Variants in SNX29 observed in about 807,000 individuals in gnomAD.
SNX29 encodes sorting nexin-29.
SNX29 carries 78 observed loss-of-function variants against 102.1 expected under a neutral mutation model. That is an observed-to-expected ratio of 0.76 (90% CI 0.64 to 0.92). The LOEUF is 0.92. Ranked by LOEUF, SNX29 falls within the 40% of genes least tolerant of loss-of-function variation. The pLI, the probability that SNX29 is intolerant of heterozygous loss-of-function variation, is 0.00. For missense variants in SNX29, 1,280 were observed against 1,061.7 expected (o/e 1.21, Z -2.86); for synonymous variants, 580 against 414.5 (o/e 1.40, Z -4.85).
At chr16:12,437,769 A>G (rs1449137509) in intron 18 of SNX29, among the ~76,000 whole-genome samples, 1 of 152,138 alleles carries the variant, frequency 6.6e-6, no homozygotes, top group Non-Finnish European at 1.5e-5. Context: ...TCAAAAATGC[A>G]CGCTGGCTGC....
chr16:12,057,005 G>A (rs2050548827), intron 8 of SNX29, among the ~76,000 whole-genome samples: 1 of 151,962 alleles, frequency 6.6e-6, no homozygotes, highest in African/African-American at 2.4e-5. Context: ...ATAGAAATGG[G>A]GTCTCAAGGC....
chr16:12,193,963 G>C (rs2076707861), intron 13 of SNX29, among the ~76,000 whole-genome samples: 1 of 152,122 alleles, frequency 6.6e-6, no homozygotes, highest in Non-Finnish European at 1.5e-5. Flanking sequence ...AATGATTTTG[G>C]CTATTTTAGT....
chr16:12,323,974 A>G (rs997774720), intron 15 of SNX29, among the ~76,000 whole-genome samples: 2 of 152,138 alleles, frequency 1.3e-5, no homozygotes, highest in Admixed American at 6.5e-5. Flanking sequence ...ATTGATTGTA[A>G]GTGTTCTGTG....
chr16:12,287,691 G>A (rs12103117), intron 15 of SNX29, among the ~76,000 whole-genome samples: 1 of 152,218 alleles, frequency 6.6e-6, no homozygotes, highest in African/African-American at 2.4e-5. Context: ...AATATCTGGT[G>A]AGTGTTCAAA....
chr16:12,065,162 T>G (rs1255041486), intron 9 of SNX29, among the ~76,000 whole-genome samples: 1 of 152,166 alleles, frequency 6.6e-6, no homozygotes, highest in African/African-American at 2.4e-5. Context: ...GTTGCTTTTC[T>G]TGGGTGACAG....
chr16:12,101,294 C>G (rs542022753), intron 11 of SNX29, among the ~76,000 whole-genome samples: 3 of 129,070 alleles, frequency 2.3e-5, no homozygotes, highest in South Asian at 4.8e-4. Context: ...TTTGTGGCCC[C>G]CCCCAACTTT....
chr16:12,194,730 A>AAG (rs2076728357), intron 13 of SNX29, among the ~76,000 whole-genome samples: 2 of 151,326 alleles, frequency 1.3e-5, no homozygotes, highest in African/African-American at 4.9e-5. Context: ...AGGTTCAAGC[A>AAG]ATTCTTGTGT....
chr16:12,175,563 A>G (rs1276853540), intron 13 of SNX29, among the ~76,000 whole-genome samples: 1 of 151,978 alleles, frequency 6.6e-6, no homozygotes, highest in Non-Finnish European at 1.5e-5. Flanking sequence ...AGGCACAAGA[A>G]TCTCTTGAAC....
intron 13 of SNX29, among the ~76,000 whole-genome samples, chr16:12,172,454 T>G (rs559279912): frequency 5.3e-5 from 8 of 152,206 alleles, no homozygotes; most frequent in Admixed American, 3.3e-4. Context: ...AAAGCTTGGG[T>G]GGGATCCCAC....
At chr16:12,492,602 G>T (rs1425744934) in intron 19 of SNX29, among the ~76,000 whole-genome samples, 5 of 152,174 alleles carry the variant, frequency 3.3e-5, no homozygotes, top group Admixed American at 2.6e-4. Context: ...TGAAGTCCTT[G>T]CCCATGCCTA....
intron 15 of SNX29, among the ~76,000 whole-genome samples, chr16:12,307,097 C>G (rs2080361822): frequency 6.6e-6 from 1 of 151,792 alleles, no homozygotes; most frequent in Admixed American, 6.5e-5. Context: ...TCTTCTTAAA[C>G]AGTTTGTGAA....
At chr16:12,131,991 C>A (rs779627880) in intron 13 of SNX29, among the ~76,000 whole-genome samples, 1 of 152,186 alleles carries the variant, frequency 6.6e-6, no homozygotes, top group African/African-American at 2.4e-5. Flanking sequence ...TTTTGCCTGG[C>A]CATGCTAGAG....
At chr16:12,403,551 G>A (rs1166613356) in intron 18 of SNX29, 22 bp downstream of exon 18, 1 of 1,588,406 alleles carries the variant, frequency 6.3e-7, no homozygotes, top group Admixed American at 1.8e-5. Flanking sequence ...GTTTTCAGGT[G>A]GACATCACAG....
chr16:12,476,519 C>T (rs773962083), intron 18 of SNX29, among the ~76,000 whole-genome samples: 2 of 143,492 alleles, frequency 1.4e-5, no homozygotes, highest in Admixed American at 7.2e-5. Context: ...GGGTATTTCT[C>T]GTTTGTTGAA....
At chr16:12,369,382 C>G (rs2082601009) in intron 16 of SNX29, among the ~76,000 whole-genome samples, 1 of 151,926 alleles carries the variant, frequency 6.6e-6, no homozygotes. Context: ...GTGATCGACC[C>G]ACCTTGGCCT....
At position 12,086,462 on chromosome 16, in the gene SNX29, G is replaced by A. The variant is rs1193271996; in HGVS notation, c.1402+7547G>A. ...CAGGGTCTCTGTTGCCCAGGCTGGA[G>A]TGCAGTGGTGCATTCCTGGCTTACT... On this transcript the variant is annotated intron_variant, in intron 11 of 20. Coordinates refer to ENST00000566228, the MANE Select transcript of SNX29 (RefSeq NM_032167.5). Among the ~76,000 whole-genome samples the A allele has an allele frequency of 1.3e-5, 2 of 152,126 alleles. 1 individual carries two copies. The highest frequency in any genetic ancestry group is 6.3e-3 in the Middle Eastern group (2 of 316).
intron 15 of SNX29, among the ~76,000 whole-genome samples, chr16:12,295,141 G>T (rs2079936442): frequency 6.6e-6 from 1 of 152,190 alleles, no homozygotes; most frequent in African/African-American, 2.4e-5. Context: ...CAACACATGG[G>T]AATTATGGGA....
At chr16:12,422,321 A>T (rs888649133) in intron 18 of SNX29, among the ~76,000 whole-genome samples, 2 of 152,222 alleles carry the variant, frequency 1.3e-5, no homozygotes, top group African/African-American at 4.8e-5. Flanking sequence ...TCAGAGCTGT[A>T]ATATGAAAGG....
intron 10 of SNX29, among the ~76,000 whole-genome samples, chr16:12,072,605 T>A (rs1377169571): frequency 6.6e-6 from 1 of 152,158 alleles, no homozygotes; most frequent in Non-Finnish European, 1.5e-5. Context: ...TCAATGTTCA[T>A]CAAGGATATT....
Sources: gnomAD v4.1 joint callset for allele counts (sites outside exome capture counted in the v4.1 genomes callset) on GRCh38, gnomAD v4.1.1 for gene constraint, MANE v1.5 for transcripts, NCBI Gene and HGNC (gene_info 2026-07-23, HGNC 2026-07-21) for gene names.